GCSAML: variants seen among roughly 807,000 people sequenced by gnomAD.
The protein encoded by GCSAML is germinal center associated signaling and motility like, also known as germinal center-associated signaling and motility-like protein.
GCSAML carries 9 observed loss-of-function variants against 13.0 expected under a neutral mutation model. The observed-to-expected ratio is 0.69, with a 90% CI of 0.42 to 1.21. GCSAML has a LOEUF of 1.21. Among genes scored for constraint, GCSAML ranks in the 50% most tolerant of loss-of-function variants. The probability of loss-of-function intolerance (pLI) is 0.00; values close to 1 mark genes in which losing one functional copy is unlikely to be tolerated. For synonymous variants in GCSAML, 37 were observed against 52.9 expected, an observed-to-expected ratio of 0.70 and a Z score of 1.31; for missense variants, 143 against 153.4, an observed-to-expected ratio of 0.93 and a Z score of 0.36.
At chr1:247,520,477 A>T (rs55833777) in intron 1 of GCSAML, among the ~76,000 whole-genome samples, 2 of 151,398 alleles carry the variant, frequency 1.3e-5, no homozygotes, top group South Asian at 2.1e-4. Flanking sequence ...TGATTTGCCA[A>T]CCCCCATATT....
chr1:247,568,661 C>CT (rs1398386871), intron 4 of GCSAML, among the ~76,000 whole-genome samples: 1 of 152,066 alleles, frequency 6.6e-6, no homozygotes, highest in Admixed American at 6.6e-5. Context: ...TATATGGGCA[C>CT]TTTTTTGTTT....
rs1338875958 is a variant in GCSAML, at chr1:247,577,122, G to A, written c.*2740G>A. 1 of 152,136 alleles carries A rather than the reference G, an allele frequency of 6.6e-6. No homozygotes were observed. The highest frequency in any genetic ancestry group is 1.5e-5 in the Non-Finnish European group (1 of 68,002). The allele number at this position is 152,136 out of a possible 1,614,324, so 9.4% of individuals were successfully genotyped here. On this transcript the variant is annotated 3_prime_UTR_variant, in exon 5 of 5. Coordinates refer to ENST00000366488, the MANE Select transcript of GCSAML (RefSeq NM_145278.5). ...TCTTATGTGGTTATGAAGAACAATA[G>A]AATCATTGCTGTATAAGTGCTTTTT... is the stretch of plus-strand genomic sequence containing the variant.
chr1:247,517,318 T>C (rs1237471199), intron 1 of GCSAML, among the ~76,000 whole-genome samples: 1 of 152,222 alleles, frequency 6.6e-6, no homozygotes, highest in African/African-American at 2.4e-5. Context: ...CTAGGTGTCT[T>C]GTCTCTTTCC....
intron 4 of GCSAML, among the ~76,000 whole-genome samples, chr1:247,570,502 T>C (rs1668562439): frequency 6.6e-6 from 1 of 152,182 alleles, no homozygotes; most frequent in Non-Finnish European, 1.5e-5. Context: ...TCAGTTTCCA[T>C]GTAGTTTTGC....
intron 1 of GCSAML, among the ~76,000 whole-genome samples, chr1:247,517,689 T>G (rs1055801627): frequency 1.3e-5 from 2 of 152,168 alleles, no homozygotes; most frequent in African/African-American, 4.8e-5. Flanking sequence ...TTCACAAATA[T>G]CTTTACTTAA....
At chr1:247,546,949 AAAG>A (rs775880357), upstream of GCSAML, among the ~76,000 whole-genome samples, 29,541 of 127,890 alleles carry the variant, frequency 0.23, 3,246 homozygotes, top group East Asian at 0.34. Context: ...AAAAAAAAAA[AAAG>A]ATTAGCCTAG....
At position 247,556,391 on chromosome 1, in the gene GCSAML, A is replaced by G. The variant is rs769854920; in HGVS notation, c.30-16A>G. On this transcript the variant is annotated splice_polypyrimidine_tract_variant and intron_variant, in intron 1 of 4. Transcript: ENST00000366488. ...GCAGTAACAATCTCTCTTTTTTCTT[A>G]TGTGTTTCCATATAGTTGCCTGGGA... 1 of 1,590,184 alleles carries G rather than the reference A, an allele frequency of 6.3e-7. No individual in the cohort carries two copies. Among genetic ancestry groups the G allele is most frequent in the Non-Finnish European group, 8.6e-7 (1 of 1,161,432 alleles).
intron 1 of GCSAML, among the ~76,000 whole-genome samples, chr1:247,507,482 A>C (rs1230160705): frequency 6.6e-6 from 1 of 152,172 alleles, no homozygotes; most frequent in Non-Finnish European, 1.5e-5. Context: ...ATTTCATTAT[A>C]ATATATTAGC....
chr1:247,560,528 A>T (rs1334054881), intron 2 of GCSAML, among the ~76,000 whole-genome samples: 1 of 151,968 alleles, frequency 6.6e-6, no homozygotes, highest in Non-Finnish European at 1.5e-5. Flanking sequence ...AAAACTCATT[A>T]TTTGTTCCCT....
At chr1:247,547,637 G>A (rs773807349), upstream of GCSAML, among the ~76,000 whole-genome samples, 1 of 152,188 alleles carries the variant, frequency 6.6e-6, no homozygotes, top group African/African-American at 2.4e-5. Flanking sequence ...GGTTTTAGGT[G>A]GATCTTGAGA....
At chr1:247,535,090 A>G (rs1030947195) in intron 2 of GCSAML, among the ~76,000 whole-genome samples, 4 of 152,136 alleles carry the variant, frequency 2.6e-5, no homozygotes, top group Non-Finnish European at 5.9e-5. Context: ...AGTGGGGGGA[A>G]TCACTTGAGC....
chr1:247,538,855 G>A (rs1335028009), intron 2 of GCSAML: 9 of 434,594 alleles, frequency 2.1e-5, no homozygotes, highest in African/African-American at 4.0e-5. Context: ...ATGATATCTC[G>A]ACCTGCCTAA....
chr1:247,520,694 C>T (rs781693050), intron 1 of GCSAML, among the ~76,000 whole-genome samples: 31 of 152,030 alleles, frequency 2.0e-4, no homozygotes, highest in Non-Finnish European at 2.4e-4. Flanking sequence ...TAGGTTAATG[C>T]GTAGTTTTCA....
Position 247,563,590 on chromosome 1 carries a change from G to A in GCSAML, c.90G>A (p.Arg30=). ...CATGTTACTATCTCTTTCCTTGTAGGCAGGAAATGACTACATTTGAAAGAA... is the reference window on the plus strand; with the variant it reads ...CATGTTACTATCTCTTTCCTTGTAGACAGGAAATGACTACATTTGAAAGAA... ...KKGNPDEERK[R]QEMTTFERKL... Residue 30 remains arginine, a splice_region_variant and synonymous_variant, in exon 3 of 5, where the codon CGG becomes CGA. Coordinates refer to ENST00000366488, the MANE Select transcript of GCSAML (RefSeq NM_145278.5). 6.4e-7 allele frequency: 1 copy of A among 1,568,094 alleles called. No homozygotes were observed. The highest frequency in any genetic ancestry group is 8.8e-7 in the Non-Finnish European group (1 of 1,139,950).
chr1:247,532,167 C>T lies in GCSAML; in HGVS notation c.-148+5113C>T, dbSNP rs141959026. 121 of 1,614,136 alleles carry T rather than the reference C, an allele frequency of 7.5e-5. No homozygotes were observed. The African/African-American group carries it at 1.5e-3, about 20-fold the overall frequency. The stretch of plus-strand genomic sequence containing the variant: ...AGCGGTCATAGGACATGGTGGCCAG[C>T]AGGACACACTCGGTTGCCCCCAGCC... On this transcript the variant is annotated intron_variant, in intron 2 of 5. Transcript: ENST00000366489.
At chr1:247,556,810 T>G (rs1020881919) in intron 2 of GCSAML, among the ~76,000 whole-genome samples, 2 of 152,202 alleles carry the variant, frequency 1.3e-5, no homozygotes, top group African/African-American at 2.4e-5. Context: ...GGAAAACATG[T>G]CTCATTATGC....
rs200237791 is a variant in GCSAML at position 247,565,939 on chromosome 1, G to A, written c.148G>A (p.Val50Ile). 57 of 1,533,894 alleles carry A rather than the reference G, an allele frequency of 3.7e-5. No individual in the cohort carries two copies. The highest frequency in any genetic ancestry group is 4.4e-5 in the Admixed American group (2 of 45,508). ...TTTTTTTAATTCTCCAGGCCAAGAAGTTTCATCCACTTCTAATCAGGTAAG... is the reference window on the plus strand; with the variant it reads ...TTTTTTTAATTCTCCAGGCCAAGAAATTTCATCCACTTCTAATCAGGTAAG... ...LQDQDKKSQE[V>I]SSTSNQENEN... is the part of the protein sequence containing the mutation. The change falls in exon 4 of 5, where the codon GTT (valine) becomes ATT (isoleucine). Residue 50 changes from valine (V) to isoleucine (I), a missense_variant. By Grantham distance (29) the Val-to-Ile change is conservative. Transcript: ENST00000366488.
intron 1 of GCSAML, among the ~76,000 whole-genome samples, chr1:247,550,872 C>T (rs1667755840): frequency 6.6e-6 from 1 of 151,964 alleles, no homozygotes; most frequent in African/African-American, 2.4e-5. Context: ...AAAAATTAAA[C>T]ATGGAAGGAA....
intron 1 of GCSAML, among the ~76,000 whole-genome samples, chr1:247,553,179 A>G (rs1007975880): frequency 1.3e-5 from 2 of 152,140 alleles, no homozygotes; most frequent in African/African-American, 4.8e-5. Flanking sequence ...TGTTAGATAG[A>G]TTTCTAGATA....
Sources: allele counts gnomAD v4.1 joint callset (sites outside exome capture counted in the v4.1 genomes callset), GRCh38; gene constraint gnomAD v4.1.1; transcripts MANE v1.5; gene names NCBI Gene and HGNC (gene_info 2026-07-23, HGNC 2026-07-21).